PRKD1: variants seen among roughly 807,000 people sequenced by gnomAD.
The protein encoded by PRKD1 is serine/threonine-protein kinase D1.
A neutral mutation model predicts 95.9 loss-of-function variants in PRKD1; 63 were observed. The ratio of observed to expected loss-of-function variants is 0.66; its 90% confidence interval spans 0.54 to 0.81. PRKD1 has a LOEUF of 0.81. Among genes scored for constraint, PRKD1 ranks in the 30% least tolerant of loss-of-function variants. PRKD1 has a pLI of 0.00. For missense variants in PRKD1, 1,048 were observed against 1,165.3 expected (o/e 0.90, Z 1.47); for synonymous variants, 425 against 423.1 (o/e 1.00, Z -0.05).
intron 1 of PRKD1, among the ~76,000 whole-genome samples, chr14:29,773,771 A>G (rs1374922960): frequency 4.6e-5 from 7 of 152,222 alleles, no homozygotes. Flanking sequence ...AAGAGACTGC[A>G]AGCTGCACAC....
At chr14:29,768,794 AC>A (rs1250150339) in intron 1 of PRKD1, among the ~76,000 whole-genome samples, 4 of 152,062 alleles carry the variant, frequency 2.6e-5, no homozygotes, top group African/African-American at 9.7e-5. Flanking sequence ...CAGACCTCAA[AC>A]ATAAGCCTAC....
chr14:29,720,989 C>G (rs1374747020), intron 2 of PRKD1, among the ~76,000 whole-genome samples: 2 of 152,302 alleles, frequency 1.3e-5, no homozygotes, highest in African/African-American at 4.8e-5. Flanking sequence ...TCATCGCACT[C>G]TCACATAGCT....
chr14:29,763,587 G>C (rs569504961), intron 1 of PRKD1, among the ~76,000 whole-genome samples: 29 of 152,208 alleles, frequency 1.9e-4, no homozygotes, highest in African/African-American at 6.5e-4. Flanking sequence ...GGTAGGTGAA[G>C]GACAGAGAAA....
intron 2 of PRKD1, among the ~76,000 whole-genome samples, chr14:29,679,882 C>T (rs1883440837): frequency 6.6e-6 from 1 of 151,998 alleles, no homozygotes; most frequent in African/African-American, 2.4e-5. Flanking sequence ...CATGCAACAC[C>T]ACACCTGGCT....
chr14:29,771,818 A>C (rs1028200473), intron 1 of PRKD1, among the ~76,000 whole-genome samples: 9 of 152,252 alleles, frequency 5.9e-5, no homozygotes, highest in African/African-American at 2.2e-4. Context: ...CAAAGGCAGG[A>C]CATGGAATCT....
At chr14:29,725,711 A>C in intron 1 of PRKD1, 37 bp from the exon 2 acceptor site, 1 of 1,589,540 alleles carries the variant, frequency 6.3e-7, no homozygotes, top group South Asian at 1.1e-5. Flanking sequence ...TAAATGTCAA[A>C]ATCCTTCCAA....
chr14:29,856,082 G>A (rs746051310), intron 1 of PRKD1, among the ~76,000 whole-genome samples: 2 of 152,114 alleles, frequency 1.3e-5, no homozygotes, highest in Non-Finnish European at 2.9e-5. Flanking sequence ...TATGCATCTG[G>A]ATGAAGGATG....
intron 1 of PRKD1, among the ~76,000 whole-genome samples, chr14:29,918,790 C>A (rs1000889757): frequency 6.6e-6 from 1 of 152,120 alleles, no homozygotes; most frequent in Non-Finnish European, 1.5e-5. Context: ...TACATAACTG[C>A]AAATAAGCAA....
rs571559908 is a variant in PRKD1 at position 29,646,666 on chromosome 14, T to C, written c.697-7762A>G. Among the ~76,000 whole-genome samples, 66 of 151,764 alleles carry C rather than the reference T, an allele frequency of 4.3e-4. 1 individual carries two copies. The South Asian group carries it at 0.013, about 31-fold the overall frequency. ...AACTGTCTGTCTCACTTAGGGATGA[T>C]GACCTAACCTGCTGTTAGGAAAACA... On this transcript the variant is annotated intron_variant, in intron 4 of 17. Transcript: ENST00000331968.
intron 2 of PRKD1, among the ~76,000 whole-genome samples, chr14:29,720,119 G>A (rs1394377919): frequency 6.6e-6 from 1 of 152,214 alleles, no homozygotes; most frequent in East Asian, 1.9e-4. Context: ...AGTGTGAGGA[G>A]AAGAAGCAAT....
At chr14:29,752,200 T>A (rs1462970187) in intron 1 of PRKD1, among the ~76,000 whole-genome samples, 1 of 152,212 alleles carries the variant, frequency 6.6e-6, no homozygotes, top group African/African-American at 2.4e-5. Flanking sequence ...TCACATTTTA[T>A]TAATATTTGT....
At chr14:29,619,239 C>G (rs936426944) in intron 13 of PRKD1, among the ~76,000 whole-genome samples, 12 of 151,824 alleles carry the variant, frequency 7.9e-5, no homozygotes, top group African/African-American at 2.9e-4. Context: ...ACTATTTTGT[C>G]TCTTCAGGTT....
intron 1 of PRKD1, among the ~76,000 whole-genome samples, chr14:29,804,495 A>T (rs1005252000): frequency 2.6e-5 from 4 of 152,098 alleles, no homozygotes; most frequent in African/African-American, 9.7e-5. Context: ...TATTTAGAAA[A>T]CAGGAGCATT....
intron 4 of PRKD1, among the ~76,000 whole-genome samples, chr14:29,641,791 A>G (rs1880783419): frequency 6.6e-6 from 1 of 152,202 alleles, no homozygotes; most frequent in African/African-American, 2.4e-5. Context: ...GCTATGGAAT[A>G]AGGCCATGAC....
intron 1 of PRKD1, among the ~76,000 whole-genome samples, chr14:29,749,131 A>C (rs550968466): frequency 6.6e-6 from 1 of 152,152 alleles, no homozygotes; most frequent in South Asian, 2.1e-4. Context: ...CATATATGTA[A>C]CCCCTCTGTA....
At chr14:29,814,485 T>C (rs1299947897) in intron 1 of PRKD1, among the ~76,000 whole-genome samples, 4 of 152,260 alleles carry the variant, frequency 2.6e-5, no homozygotes, top group African/African-American at 9.6e-5. Context: ...CTTAGGATCC[T>C]GACTACATCA....
chr14:29,599,239 T>A, intron 14 of PRKD1, 114 bp from the exon 15 acceptor site: 3 of 835,108 alleles, frequency 3.6e-6, no homozygotes, highest in Non-Finnish European at 5.7e-6. Context: ...TTCTTTATGT[T>A]AAAGACACTG....
intron 1 of PRKD1, among the ~76,000 whole-genome samples, chr14:29,822,159 T>C (rs371468131): frequency 1.3e-5 from 2 of 152,212 alleles, no homozygotes. Flanking sequence ...AAGCAATCTG[T>C]TTTTCTTGTA....
In PRKD1 at chr14:29,577,257, T is replaced by C. The variant is rs751902337; in HGVS notation, c.2720A>G (p.Glu907Gly). Residue 907 changes from glutamate (E) to glycine (G), a missense_variant, in exon 18 of 18, where the codon GAG (glutamate) becomes GGG (glycine). Coordinates refer to ENST00000331968, the MANE Select transcript of PRKD1 (RefSeq NM_002742.3). Reference protein sequence around the residue: ...TEETEMKALGERVSIL With the variant: ...TEETEMKALGGRVSIL ...TGGAACTCAGAGGATGCTGACACGC[T>C]CACCGAGGGCTTTCATTTCTGTTTC... 3 of 1,613,290 alleles carry C rather than the reference T, an allele frequency of 1.9e-6. No homozygotes were observed. The East Asian group carries it at 6.7e-5, about 36-fold the overall frequency.
Sources: gnomAD v4.1 joint callset for allele counts (sites outside exome capture counted in the v4.1 genomes callset) on GRCh38, gnomAD v4.1.1 for gene constraint, MANE v1.5 for transcripts, NCBI Gene and HGNC (gene_info 2026-07-23, HGNC 2026-07-21) for gene names.